MAP4K3: variants seen among roughly 807,000 people sequenced by gnomAD.
MAP4K3 encodes the protein mitogen-activated protein kinase kinase kinase kinase 3, also known as MAPK/ERK kinase kinase kinase 3.
A neutral mutation model predicts 143.5 loss-of-function variants in MAP4K3; 94 were observed. That is an observed-to-expected ratio of 0.65 (90% CI 0.55 to 0.78). MAP4K3 has a LOEUF of 0.78. MAP4K3 is among the 30% of genes least tolerant of loss of function. MAP4K3 has a pLI of 0.00. For missense variants in MAP4K3, 1,077 were observed against 1,068.1 expected, an observed-to-expected ratio of 1.01 and a Z score of -0.12; for synonymous variants, 416 against 347.2, an observed-to-expected ratio of 1.20 and a Z score of -2.20.
chr2:39,408,201 C>G (rs964470763), intron 1 of MAP4K3, among the ~76,000 whole-genome samples: 1 of 152,166 alleles, frequency 6.6e-6, no homozygotes, highest in East Asian at 1.9e-4. Context: ...CATGCTTTGT[C>G]TGTAAAGTCA....
At chr2:39,353,014 T>A (rs1558661709) in intron 3 of MAP4K3, among the ~76,000 whole-genome samples, 1 of 152,206 alleles carries the variant, frequency 6.6e-6, no homozygotes, top group Non-Finnish European at 1.5e-5. Context: ...TGAGAAAGAA[T>A]TCAAGAAATC....
chr2:39,272,560 C>G lies in MAP4K3; in HGVS notation c.1795-18G>C. Reference sequence around the variant, plus strand: ...GGGAATAGCTGATTAAAAAAAGGCACAAAGTTTACAAAGAATAATACATAA... The same window carrying G: ...GGGAATAGCTGATTAAAAAAAGGCAGAAAGTTTACAAAGAATAATACATAA... On this transcript the variant is annotated intron_variant, in intron 24 of 33. Coordinates refer to ENST00000263881, the MANE Select transcript of MAP4K3 (RefSeq NM_003618.4). The G allele has an allele frequency of 6.3e-7, 1 of 1,599,624 alleles. No homozygotes were observed. Among genetic ancestry groups the G allele is most frequent in the Non-Finnish European group, 8.6e-7 (1 of 1,167,504 alleles).
At chr2:39,415,980 A>AAAAAAAAAAT in intron 1 of MAP4K3, among the ~76,000 whole-genome samples, 1 of 14,752 alleles carries the variant, frequency 6.8e-5, no homozygotes, top group Non-Finnish European at 1.5e-4. Flanking sequence ...AAAAAAAAAA[A>AAAAAAAAAAT]ATATATATAT....
At chr2:39,310,292 C>T (rs1253514139) in intron 13 of MAP4K3, among the ~76,000 whole-genome samples, 2 of 152,168 alleles carry the variant, frequency 1.3e-5, no homozygotes, top group Non-Finnish European at 2.9e-5. Flanking sequence ...CATCATTCTA[C>T]TCTACCTCCA....
intron 1 of MAP4K3, among the ~76,000 whole-genome samples, chr2:39,408,774 A>G (rs879677434): frequency 1.3e-5 from 2 of 152,182 alleles, no homozygotes; most frequent in Admixed American, 6.6e-5. Context: ...GAGTGCTTCT[A>G]AAGCAGTGCC....
chr2:39,409,441 C>A (rs1667179940), intron 1 of MAP4K3, among the ~76,000 whole-genome samples: 1 of 152,070 alleles, frequency 6.6e-6, no homozygotes, highest in South Asian at 2.1e-4. Flanking sequence ...AAATGATCCA[C>A]TTGGAAGCTG....
At chr2:39,309,090 C>T (rs1682842275) in intron 14 of MAP4K3, among the ~76,000 whole-genome samples, 1 of 151,946 alleles carries the variant, frequency 6.6e-6, no homozygotes, top group African/African-American at 2.4e-5. Flanking sequence ...TTGAGAATTA[C>T]TTACCTTTTT....
At chr2:39,275,242 TG>T (rs1334741060) in intron 24 of MAP4K3, among the ~76,000 whole-genome samples, 1 of 152,134 alleles carries the variant, frequency 6.6e-6, no homozygotes, top group Admixed American at 6.6e-5. Flanking sequence ...ATCCCAGCAC[TG>T]GGTGGGTAAG....
chr2:39,407,839 G>A (rs1667136691), intron 1 of MAP4K3, among the ~76,000 whole-genome samples: 1 of 152,078 alleles, frequency 6.6e-6, no homozygotes, highest in Non-Finnish European at 1.5e-5. Flanking sequence ...GCCTCCCAAA[G>A]TGCTGGGAGT....
intron 21 of MAP4K3, among the ~76,000 whole-genome samples, chr2:39,285,617 A>G (rs1248250463): frequency 6.6e-6 from 1 of 152,026 alleles, no homozygotes; most frequent in Non-Finnish European, 1.5e-5. Flanking sequence ...CATATTGTAT[A>G]GTGAAATATT....
chr2:39,327,558 G>A (rs780414873), intron 8 of MAP4K3, among the ~76,000 whole-genome samples: 1 of 152,146 alleles, frequency 6.6e-6, no homozygotes, highest in Non-Finnish European at 1.5e-5. Flanking sequence ...CTAAAGAGCA[G>A]TCTAGATAAT....
intron 13 of MAP4K3, among the ~76,000 whole-genome samples, chr2:39,313,503 TTTCTCTCTCTC>T (rs1038256314): frequency 2.6e-4 from 40 of 152,034 alleles, no homozygotes; most frequent in Non-Finnish European, 1.3e-4. Context: ...TTCTTTCTTC[TTTCTCTCTCTC>T]TTCTCTCTCT....
At chr2:39,345,788 G>C (rs1573179590) in intron 3 of MAP4K3, among the ~76,000 whole-genome samples, 1 of 151,824 alleles carries the variant, frequency 6.6e-6, no homozygotes, top group Non-Finnish European at 1.5e-5. Flanking sequence ...CAGGCGTGGT[G>C]GTGGGTGCCT....
At chr2:39,333,471 CAT>C (rs1215276761) in intron 7 of MAP4K3, 59 bp downstream of exon 7, 2 of 1,296,312 alleles carry the variant, frequency 1.5e-6, no homozygotes, top group East Asian at 2.3e-5. Flanking sequence ...CAAAGGAAAA[CAT>C]AAACTTTACT....
chr2:39,390,240 GT>G (rs1296416870), intron 1 of MAP4K3, among the ~76,000 whole-genome samples: 1 of 152,150 alleles, frequency 6.6e-6, no homozygotes, highest in Non-Finnish European at 1.5e-5. Context: ...TTAAAGTCCT[GT>G]TGTGCCTTCA....
At chr2:39,315,639 C>T in intron 12 of MAP4K3, 1 of 417,230 alleles carries the variant, frequency 2.4e-6, no homozygotes, top group African/African-American at 2.0e-5. Context: ...TGGCTAAATA[C>T]ATATGAAATT....
At chr2:39,287,311 GAGA>G (rs1403554122) in intron 20 of MAP4K3, among the ~76,000 whole-genome samples, 1 of 80,862 alleles carries the variant, frequency 1.2e-5, no homozygotes, top group African/African-American at 4.9e-5. Flanking sequence ...TTTTTTTTTT[GAGA>G]AGGAGTTTTG....
chr2:39,313,172 T>A (rs1383209636), intron 13 of MAP4K3, among the ~76,000 whole-genome samples: 1 of 152,232 alleles, frequency 6.6e-6, no homozygotes, highest in African/African-American at 2.4e-5. Flanking sequence ...TGTTGGTCAA[T>A]CATCCCAGTC....
At chr2:39,340,469 T>C (rs1282423318) in intron 4 of MAP4K3, among the ~76,000 whole-genome samples, 1 of 152,230 alleles carries the variant, frequency 6.6e-6, no homozygotes, top group Non-Finnish European at 1.5e-5. Flanking sequence ...ACTGAGCCAG[T>C]TGCTGACCAG....
Sources: allele counts gnomAD v4.1 joint callset (sites outside exome capture counted in the v4.1 genomes callset), GRCh38; gene constraint gnomAD v4.1.1; transcripts MANE v1.5; gene names NCBI Gene and HGNC (gene_info 2026-07-23, HGNC 2026-07-21).